STYK1: variants seen among roughly 807,000 people sequenced by gnomAD.
STYK1 encodes tyrosine-protein kinase STYK1.
STYK1 carries 46 observed loss-of-function variants against 48.1 expected under a neutral mutation model. The observed-to-expected ratio is 0.96, with a 90% CI of 0.75 to 1.22. The LOEUF (loss-of-function observed/expected upper bound fraction) is 1.22. STYK1 is among the 50% of genes most tolerant of loss of function. The pLI, the probability that STYK1 is intolerant of heterozygous loss-of-function variation, is 0.00. For missense variants in STYK1, 527 were observed against 521.1 expected (o/e 1.01, Z -0.11); for synonymous variants, 188 against 189.0 (o/e 0.99, Z 0.04).
intron 1 of STYK1, among the ~76,000 whole-genome samples, chr12:10,645,449 A>C (rs757816569): frequency 1.3e-5 from 2 of 151,478 alleles, no homozygotes; most frequent in Non-Finnish European, 2.9e-5. Context: ...CCCAACATGC[A>C]GTAATCTCTC....
chr12:10,622,777 A>T lies in STYK1; in HGVS notation c.927-99T>A, dbSNP rs1865928282. 2.9e-6 allele frequency: 4 copies of T among 1,372,428 alleles called. No individual in the cohort carries two copies. In the South Asian group the frequency reaches 3.7e-5, roughly 13 times the overall value. 85.0% of individuals were successfully genotyped at this position (1,372,428 alleles called of 1,614,324 possible). The stretch of plus-strand genomic sequence containing the variant: ...AGCCTTTAATAAGAGCCCCATGAAA[A>T]AGGCAATGAAGGAGAATCAAGGATG... On this transcript the variant is annotated intron_variant, in intron 8 of 10. Coordinates refer to ENST00000075503, the MANE Select transcript of STYK1 (RefSeq NM_018423.3).
chr12:10,639,078 G>GTCTGCCT (rs1285754186), intron 1 of STYK1, among the ~76,000 whole-genome samples: 3 of 152,164 alleles, frequency 2.0e-5, no homozygotes, highest in African/African-American at 7.2e-5. Context: ...GCCTGAAACA[G>GTCTGCCT]TCTGCCTTCT....
At chr12:10,671,846 C>A (rs935803760) in intron 1 of STYK1, among the ~76,000 whole-genome samples, 3 of 151,990 alleles carry the variant, frequency 2.0e-5, no homozygotes, top group Non-Finnish European at 4.4e-5. Flanking sequence ...CCAGAGAAAA[C>A]TGAAATACAT....
intron 1 of STYK1, among the ~76,000 whole-genome samples, chr12:10,670,230 G>A (rs549076977): frequency 2.4e-4 from 36 of 152,178 alleles, no homozygotes; most frequent in Admixed American, 3.9e-4. Context: ...TGTATAGATA[G>A]CAAGAAAATG....
At chr12:10,646,565 T>G (rs1043726213) in intron 1 of STYK1, among the ~76,000 whole-genome samples, 1 of 152,214 alleles carries the variant, frequency 6.6e-6, no homozygotes, top group African/African-American at 2.4e-5. Flanking sequence ...ATTTGCAGCC[T>G]GACAATGTGA....
intron 10 of STYK1, 42 bp downstream of exon 10, chr12:10,621,834 C>T (rs768740393): frequency 1.3e-6 from 2 of 1,575,448 alleles, no homozygotes; most frequent in South Asian, 1.1e-5. Context: ...GGCTAAACAA[C>T]ATTTGGAATG....
At chr12:10,666,445 A>G (rs981363355) in intron 1 of STYK1, among the ~76,000 whole-genome samples, 2 of 152,244 alleles carry the variant, frequency 1.3e-5, no homozygotes, top group African/African-American at 4.8e-5. Flanking sequence ...TTCATCTCCC[A>G]CAACACAGTA....
At chr12:10,671,155 C>T (rs1038515255) in intron 1 of STYK1, among the ~76,000 whole-genome samples, 21 of 151,962 alleles carry the variant, frequency 1.4e-4, no homozygotes, top group Admixed American at 3.9e-4. Flanking sequence ...CCACCACGCC[C>T]AGCTAATTTT....
chr12:10,667,076 A>G (rs1006756588), intron 1 of STYK1, among the ~76,000 whole-genome samples: 8 of 152,322 alleles, frequency 5.3e-5, no homozygotes, highest in African/African-American at 1.9e-4. Flanking sequence ...AATTTAGATC[A>G]ATATTCTAAA....
rs1220761899 is a variant in STYK1, at chr12:10,619,801, G to T, written c.*343C>A. ...AAATTTTCATCTAGATAAAAATGTG[G>T]TTCCAGAGGAAACTAGCCTCGGACG... is the stretch of plus-strand genomic sequence containing the variant. On this transcript the variant is annotated 3_prime_UTR_variant, in exon 11 of 11. Coordinates refer to ENST00000075503, the MANE Select transcript of STYK1 (RefSeq NM_018423.3). 3 of 403,884 alleles carry T rather than the reference G, an allele frequency of 7.4e-6. No homozygotes were observed. The highest frequency in any genetic ancestry group is 4.2e-5 in the Admixed American group (1 of 23,756). 25.0% of individuals were successfully genotyped at this position (403,884 alleles called of 1,614,324 possible). A position where few individuals can be genotyped will look rare whatever the true frequency, so the allele number is the denominator to read the frequency against.
At chr12:10,660,286 T>C (rs2120784540) in intron 1 of STYK1, among the ~76,000 whole-genome samples, 1 of 152,334 alleles carries the variant, frequency 6.6e-6, no homozygotes, top group Non-Finnish European at 1.5e-5. Context: ...AATCAAGAGT[T>C]ATGAATGGCC....
Position 10,619,235 on chromosome 12 carries a change from T to C in STYK1, c.*909A>G, listed in dbSNP as rs1865866867. ...AGTTTCACAGTATATCAACAGATGA[T>C]TGAAAATTAGAAGCTGCTATCCTTC... On this transcript the variant is annotated 3_prime_UTR_variant, in exon 11 of 11. Coordinates refer to ENST00000075503, the MANE Select transcript of STYK1 (RefSeq NM_018423.3). The C allele has an allele frequency of 6.6e-6, 1 of 152,192 alleles. No individual in the cohort carries two copies. Among genetic ancestry groups the C allele is most frequent in the Non-Finnish European group, 1.5e-5 (1 of 68,044 alleles). The allele number at this position is 152,192 out of a possible 1,614,324, so 9.4% of individuals were successfully genotyped here. A position where few individuals can be genotyped will look rare whatever the true frequency, so the allele number is the denominator to read the frequency against.
In STYK1 at chr12:10,619,592, G is replaced by A. The variant is rs1865872402; in HGVS notation, c.*552C>T. 6.3e-6 allele frequency: 1 copy of A among 157,706 alleles called. No homozygotes were observed. Among genetic ancestry groups the A allele is most frequent in the African/African-American group, 2.4e-5 (1 of 41,698 alleles). 9.8% of individuals were successfully genotyped at this position (157,706 alleles called of 1,614,324 possible). A position where few individuals can be genotyped will look rare whatever the true frequency, so the allele number is the denominator to read the frequency against. On this transcript the variant is annotated 3_prime_UTR_variant, in exon 11 of 11. Coordinates refer to ENST00000075503, the MANE Select transcript of STYK1 (RefSeq NM_018423.3). ...TTATCTATACCTAAGGTGAAACTCA[G>A]AGGTTTTTCCGTTATAGTTCTCCTC...
intron 1 of STYK1, among the ~76,000 whole-genome samples, chr12:10,643,100 C>T (rs1405865313): frequency 6.6e-6 from 1 of 152,144 alleles, no homozygotes; most frequent in African/African-American, 2.4e-5. Flanking sequence ...TCCACTTCCC[C>T]AAATCTGCCC....
In STYK1 at chr12:10,646,164, A is replaced by T. The variant is rs1477003795; in HGVS notation, c.-194-8968T>A. Among the ~76,000 whole-genome samples the T allele has an allele frequency of 2.0e-5, 3 of 152,260 alleles. No homozygotes were observed. The East Asian group carries it at 5.8e-4, about 29-fold the overall frequency. ...CCAAAAATGTGGAAGTGATTTTGGA[A>T]CTGGGTAACAGGGAGAAGTTGGAAC... On this transcript the variant is annotated intron_variant, in intron 1 of 10. Transcript: ENST00000075503.
chr12:10,658,297 A>G (rs553605692), intron 1 of STYK1, among the ~76,000 whole-genome samples: 270 of 152,328 alleles, frequency 1.8e-3, no homozygotes, highest in African/African-American at 6.0e-3. Context: ...ATTGGGATTG[A>G]CATTAACAGT....
chr12:10,624,822 A>C lies in STYK1; in HGVS notation c.755T>G (p.Val252Gly). Reference protein sequence around the residue: ...LQEKHLFHGDVAARNILMQSD... With the variant: ...LQEKHLFHGDGAARNILMQSD... ...TTGCATCAGAATATTCCTGGCTGCC[A>C]CATCCCCATGGAACAAATGCTTCTC... Residue 252 changes from valine (V) to glycine (G), a missense_variant, in exon 8 of 11, where the codon GTG (valine) becomes GGG (glycine). Physicochemically the swap from Val to Gly is moderately radical, Grantham distance 109. Transcript: ENST00000075503. 6.2e-7 allele frequency: 1 copy of C among 1,614,174 alleles called. No homozygotes were observed. Among genetic ancestry groups the C allele is most frequent in the Non-Finnish European group, 8.5e-7 (1 of 1,180,020 alleles).
chr12:10,662,107 C>T (rs969177835), intron 1 of STYK1, among the ~76,000 whole-genome samples: 2 of 152,190 alleles, frequency 1.3e-5, no homozygotes, highest in African/African-American at 4.8e-5. Flanking sequence ...TAAATTGACT[C>T]ATACAGTATG....
chr12:10,660,283 A>G (rs565845976), intron 1 of STYK1, among the ~76,000 whole-genome samples: 17 of 152,330 alleles, frequency 1.1e-4, no homozygotes, highest in African/African-American at 3.6e-4. Context: ...GGAAATCAAG[A>G]GTTATGAATG....
Sources: allele counts gnomAD v4.1 joint callset (sites outside exome capture counted in the v4.1 genomes callset), GRCh38; gene constraint gnomAD v4.1.1; transcripts MANE v1.5; gene names NCBI Gene and HGNC (gene_info 2026-07-23, HGNC 2026-07-21).